The following FBXO25 variants were observed in gnomAD, a reference collection of about 807,000 sequenced individuals.
FBXO25 encodes the protein F-box protein 25.
FBXO25 carries 45 observed loss-of-function variants against 51.9 expected under a neutral mutation model. The observed-to-expected ratio is 0.87, with a 90% CI of 0.68 to 1.11. FBXO25 has a LOEUF of 1.11. Ranked by LOEUF, FBXO25 falls within the 50% of genes most tolerant of loss-of-function variation. The pLI is 0.00. For synonymous variants in FBXO25, 199 were observed against 151.0 expected, an observed-to-expected ratio of 1.32 and a Z score of -2.33; for missense variants, 507 against 428.5, an observed-to-expected ratio of 1.18 and a Z score of -1.62.
At chr8:410,582 G>C (rs1265366116) in intron 1 of FBXO25, among the ~76,000 whole-genome samples, 1 of 152,094 alleles carries the variant, frequency 6.6e-6, no homozygotes, top group Non-Finnish European at 1.5e-5. Context: ...CTACTTCATG[G>C]TCTTTGCTGC....
At chr8:408,427 T>C (rs1177309227) in intron 1 of FBXO25, among the ~76,000 whole-genome samples, 2 of 152,260 alleles carry the variant, frequency 1.3e-5, no homozygotes, top group Non-Finnish European at 2.9e-5. Context: ...GCATGGATCC[T>C]GGAGTGAGAC....
chr8:417,716 C>T (rs1053305598), intron 2 of FBXO25, among the ~76,000 whole-genome samples: 12 of 152,314 alleles, frequency 7.9e-5, no homozygotes, highest in Non-Finnish European at 7.3e-5. Context: ...ACTTGTATTT[C>T]CTGGAAGTTG....
intron 7 of FBXO25, among the ~76,000 whole-genome samples, chr8:456,710 C>G (rs1333441492): frequency 6.6e-6 from 1 of 152,144 alleles, no homozygotes; most frequent in Admixed American, 6.5e-5. Context: ...TGTTGAGGCC[C>G]CACTCGTGTC....
chr8:416,645 G>C (rs1796820739), intron 2 of FBXO25, among the ~76,000 whole-genome samples: 1 of 152,168 alleles, frequency 6.6e-6, no homozygotes, highest in Non-Finnish European at 1.5e-5. Flanking sequence ...ATGGGCCGGA[G>C]TCCTACCTCT....
chr8:412,251 T>C (rs1796522176), intron 1 of FBXO25, among the ~76,000 whole-genome samples: 1 of 152,174 alleles, frequency 6.6e-6, no homozygotes. Context: ...GTTCCTTCTG[T>C]ATGTCTTATC....
At position 471,883 on chromosome 8, in the gene FBXO25, A is replaced by T. The variant is rs1445601392; in HGVS notation, c.*3079A>T. The T allele has an allele frequency of 1.3e-5, 2 of 152,174 alleles. No homozygotes were observed. The highest frequency in any genetic ancestry group is 2.9e-5 in the Non-Finnish European group (2 of 68,042). 9.4% of individuals were successfully genotyped at this position (152,174 alleles called of 1,614,324 possible). ...ACAGCAAACTGTGTCTACTTTATGG[A>T]AAAAATTTAACCATCTGTGAACAGT... On this transcript the variant is annotated 3_prime_UTR_variant, in exon 10 of 10. Transcript: ENST00000350302.
chr8:441,974 A>G (rs992428950), intron 5 of FBXO25, among the ~76,000 whole-genome samples: 2 of 152,210 alleles, frequency 1.3e-5, no homozygotes, highest in Non-Finnish European at 2.9e-5. Context: ...AGAACCAGAG[A>G]TACTATTTGA....
At chr8:417,454 G>T (rs182049003) in intron 2 of FBXO25, among the ~76,000 whole-genome samples, 39 of 152,358 alleles carry the variant, frequency 2.6e-4, no homozygotes, top group Middle Eastern at 3.4e-3. Context: ...TCTGCAGGTG[G>T]AACTGACACA....
At chr8:421,757 G>A (rs1259408755) in intron 2 of FBXO25, among the ~76,000 whole-genome samples, 1 of 152,298 alleles carries the variant, frequency 6.6e-6, no homozygotes, top group East Asian at 1.9e-4. Context: ...GGCTCCTCAG[G>A]GAAGGGGTTG....
chr8:466,988 G>A (rs1352569744), intron 9 of FBXO25, among the ~76,000 whole-genome samples: 3 of 152,176 alleles, frequency 2.0e-5, no homozygotes, highest in Non-Finnish European at 4.4e-5. Context: ...TTTTCTTGGT[G>A]TATCAGTTGC....
chr8:424,302 A>G (rs544540993), intron 2 of FBXO25, among the ~76,000 whole-genome samples: 1 of 152,150 alleles, frequency 6.6e-6, no homozygotes, highest in Non-Finnish European at 1.5e-5. Flanking sequence ...AGTTTCTCTC[A>G]TTCCGTAGGT....
intron 5 of FBXO25, among the ~76,000 whole-genome samples, chr8:444,704 C>A (rs184663953): frequency 6.6e-6 from 1 of 152,248 alleles, no homozygotes; most frequent in African/African-American, 2.4e-5. Flanking sequence ...AATGACCGAC[C>A]GCGTGTAGTG....
intron 9 of FBXO25, among the ~76,000 whole-genome samples, chr8:468,425 G>A (rs188239023): frequency 6.6e-6 from 1 of 152,264 alleles, no homozygotes; most frequent in East Asian, 1.9e-4. Flanking sequence ...GCAGTGCAGG[G>A]TGGTGTCAGC....
chr8:452,719 T>G (rs1799174063), intron 7 of FBXO25, among the ~76,000 whole-genome samples: 1 of 152,048 alleles, frequency 6.6e-6, no homozygotes, highest in African/African-American at 2.4e-5. Flanking sequence ...CCAGGTAGGA[T>G]TAGTGGCTCT....
chr8:411,070 A>G (rs1462247068), intron 1 of FBXO25, among the ~76,000 whole-genome samples: 4 of 152,080 alleles, frequency 2.6e-5, no homozygotes, highest in Non-Finnish European at 5.9e-5. Context: ...GGAGATGTTC[A>G]TCTCTCATTT....
chr8:463,274 G>C, intron 9 of FBXO25, 124 bp downstream of exon 9: 1 of 1,107,328 alleles, frequency 9.0e-7, no homozygotes, highest in Non-Finnish European at 1.3e-6. Context: ...AAGTTAAGGA[G>C]ATATATTTTA....
chr8:456,536 G>A (rs533743036), intron 7 of FBXO25, among the ~76,000 whole-genome samples: 16 of 152,322 alleles, frequency 1.1e-4, no homozygotes, highest in African/African-American at 3.6e-4. Flanking sequence ...CTTGGACTGT[G>A]CAGCTCCATA....
chr8:446,987 G>C (rs1477586938), intron 5 of FBXO25, among the ~76,000 whole-genome samples: 1 of 152,162 alleles, frequency 6.6e-6, no homozygotes, highest in African/African-American at 2.4e-5. Context: ...TCTAAAATGT[G>C]CATGAGGCTT....
At chr8:416,842 G>A (rs1226952502) in intron 2 of FBXO25, among the ~76,000 whole-genome samples, 1 of 152,212 alleles carries the variant, frequency 6.6e-6, no homozygotes, top group South Asian at 2.1e-4. Context: ...TTGCATTCTG[G>A]TGAAACAGAT....
Sources: allele counts gnomAD v4.1 joint callset (sites outside exome capture counted in the v4.1 genomes callset), GRCh38; gene constraint gnomAD v4.1.1; transcripts MANE v1.5; gene names NCBI Gene and HGNC (gene_info 2026-07-23, HGNC 2026-07-21).